Variants in NSD2 observed in about 807,000 individuals in gnomAD.
NSD2 encodes the protein nuclear receptor binding SET domain protein 2.
Under a neutral mutation model 139.0 loss-of-function variants are expected in NSD2, and 12 were observed. That is an observed-to-expected ratio of 0.09 (90% CI 0.06 to 0.14). The LOEUF (loss-of-function observed/expected upper bound fraction) is 0.14, where lower values mean the gene tolerates loss of function less well. NSD2 is among the 10% of genes least tolerant of loss of function. The probability of loss-of-function intolerance (pLI) is 1.00; values close to 1 mark genes in which losing one functional copy is unlikely to be tolerated. For synonymous variants in NSD2, 669 were observed against 648.7 expected, an observed-to-expected ratio of 1.03 and a Z score of -0.48; for missense variants, 1,155 against 1,745.0, an observed-to-expected ratio of 0.66 and a Z score of 6.02.
chr4:1,925,269 A>T (rs1460899964), intron 5 of NSD2, among the ~76,000 whole-genome samples: 1 of 152,104 alleles, frequency 6.6e-6, no homozygotes, highest in Non-Finnish European at 1.5e-5. Flanking sequence ...GGATAGAGTC[A>T]GGTGGAACTT....
chr4:1,959,762 C>A, intron 17 of NSD2, 22 bp downstream of exon 17: 1 of 1,603,320 alleles, frequency 6.2e-7, no homozygotes, highest in South Asian at 1.1e-5. Flanking sequence ...TATCCCCTCC[C>A]CTGCTTTTGA....
chr4:1,919,826 C>T (rs1464678054), intron 5 of NSD2, among the ~76,000 whole-genome samples: 1 of 152,076 alleles, frequency 6.6e-6, no homozygotes, highest in Non-Finnish European at 1.5e-5. Flanking sequence ...ATCCCAGCTT[C>T]TCAGGAGGCT....
chr4:1,906,138 C>T (rs1458850084), intron 3 of NSD2, among the ~76,000 whole-genome samples: 11 of 152,144 alleles, frequency 7.2e-5, no homozygotes, highest in Non-Finnish European at 1.6e-4. Flanking sequence ...GGGATATTTA[C>T]TTATTTATAT....
intron 3 of NSD2, among the ~76,000 whole-genome samples, chr4:1,904,843 A>C (rs1327256834): frequency 6.6e-6 from 1 of 152,136 alleles, no homozygotes; most frequent in Non-Finnish European, 1.5e-5. Flanking sequence ...CATATTAAGA[A>C]TGTACGGCCG....
chr4:1,922,939 T>C (rs915253572), intron 5 of NSD2, among the ~76,000 whole-genome samples: 1 of 151,386 alleles, frequency 6.6e-6, no homozygotes, highest in African/African-American at 2.4e-5. Flanking sequence ...AAAAATAAAA[T>C]AGCAGTATTC....
Position 1,978,952 on chromosome 4 carries a change from G to C in NSD2, c.*43G>C, listed in dbSNP as rs765979834. On this transcript the variant is annotated 3_prime_UTR_variant, in exon 22 of 22. Transcript: ENST00000508803. ...GCCGGATCCAGGGGCGGTGCAGGGC[G>C]GCCGGCCCTGCCTGCGGGAGAGGGC... The C allele has an allele frequency of 1.2e-4, 171 of 1,449,468 alleles. 1 individual carries two copies. In the Admixed American group the frequency reaches 1.3e-3, roughly 11 times the overall value. The allele number at this position is 1,449,468 out of a possible 1,614,324, so 89.8% of individuals were successfully genotyped here.
chr4:1,894,588 C>T (rs771003457), intron 1 of NSD2, among the ~76,000 whole-genome samples: 5 of 151,272 alleles, frequency 3.3e-5, no homozygotes, highest in Non-Finnish European at 7.4e-5. Context: ...GGGAGGATTG[C>T]TTGGGCCCAG....
At chr4:1,953,552 GT>G in intron 12 of NSD2, 28 bp downstream of exon 12, 1 of 1,577,852 alleles carries the variant, frequency 6.3e-7, no homozygotes, top group Non-Finnish European at 8.6e-7. Flanking sequence ...CAGCCTTGCT[GT>G]GGGTTCAGAT....
At chr4:1,883,232 CAA>C (rs1244353733) in intron 1 of NSD2, among the ~76,000 whole-genome samples, 1 of 152,134 alleles carries the variant, frequency 6.6e-6, no homozygotes, top group Non-Finnish European at 1.5e-5. Flanking sequence ...GGTTCAGAAA[CAA>C]GAGAAAGCCC....
intron 3 of NSD2, among the ~76,000 whole-genome samples, chr4:1,907,502 A>AT (rs934461173): frequency 1.3e-5 from 2 of 150,580 alleles, no homozygotes; most frequent in African/African-American, 4.9e-5. Context: ...TATTTGATCT[A>AT]TTTTTTTAAT....
chr4:1,944,301 A>G lies in NSD2; in HGVS notation c.1881+4523A>G, dbSNP rs1723399329. 2.8e-6 allele frequency: 3 copies of G among 1,066,110 alleles called. No homozygotes were observed. In the East Asian group the frequency reaches 1.5e-4, roughly 53 times the overall value. The allele number at this position is 1,066,110 out of a possible 1,614,324, so 66.0% of individuals were successfully genotyped here. On this transcript the variant is annotated intron_variant, in intron 9 of 21. Transcript: ENST00000508803. ...GTGGAAACGGCTCTTGTTTGAAAGA[A>G]CTTAGGGAGGACCATTGGCTTGCCA... is the stretch of plus-strand genomic sequence containing the variant.
intron 5 of NSD2, among the ~76,000 whole-genome samples, chr4:1,925,084 T>A (rs1720689841): frequency 6.6e-6 from 1 of 152,264 alleles, no homozygotes; most frequent in Admixed American, 6.5e-5. Flanking sequence ...AAGCAATGAC[T>A]ATTAGGATGC....
intron 12 of NSD2, among the ~76,000 whole-genome samples, chr4:1,953,758 C>G (rs924575532): frequency 6.6e-6 from 1 of 151,934 alleles, no homozygotes; most frequent in Non-Finnish European, 1.5e-5. Flanking sequence ...AGAGGGGCAA[C>G]CTTTGGACCA....
At chr4:1,915,400 C>G (rs978782442) in intron 3 of NSD2, among the ~76,000 whole-genome samples, 4 of 152,136 alleles carry the variant, frequency 2.6e-5, no homozygotes, top group African/African-American at 9.7e-5. Flanking sequence ...AGGCTTGAGC[C>G]ACTGCACCCG....
At position 1,955,062 on chromosome 4, in the gene NSD2, C is replaced by G. The variant is rs1406078374; in HGVS notation, c.2339-99C>G. ...TACCTCCATTTCATTTTAGCATTAACTTTTCAAATTCATGGAGGCTGAGTA... is the reference window on the plus strand; with the variant it reads ...TACCTCCATTTCATTTTAGCATTAAGTTTTCAAATTCATGGAGGCTGAGTA... On this transcript the variant is annotated intron_variant, in intron 12 of 21. Transcript: ENST00000508803. The surrounding 1 kb of genome is among the most constrained non-coding windows in gnomAD (Gnocchi z 4.7). The G allele has an allele frequency of 7.8e-7, 1 of 1,287,296 alleles. No individual in the cohort carries two copies. Among genetic ancestry groups the G allele is most frequent in the Non-Finnish European group, 1.1e-6 (1 of 943,774 alleles). The allele number at this position is 1,287,296 out of a possible 1,614,324, so 79.7% of individuals were successfully genotyped here. A position where few individuals can be genotyped will look rare whatever the true frequency, so the allele number is the denominator to read the frequency against.
chr4:1,902,274 G>T (rs1441976025), intron 2 of NSD2, among the ~76,000 whole-genome samples: 1 of 152,108 alleles, frequency 6.6e-6, no homozygotes, highest in Non-Finnish European at 1.5e-5. Flanking sequence ...GTCCAGGCTA[G>T]AGGGCAGTGG....
intron 1 of NSD2, among the ~76,000 whole-genome samples, chr4:1,881,361 T>C (rs10000617): frequency 0.063 from 9,563 of 152,102 alleles, 1,037 homozygotes; most frequent in African/African-American, 0.22. Flanking sequence ...CTCCTGGGTT[T>C]ACGCCATTCT....
rs1577369258 is a variant in NSD2 at position 1,891,712 on chromosome 4, C to T, written c.-29-8914C>T. 2.6e-5 allele frequency among the ~76,000 whole-genome samples: 4 copies of T among 152,012 alleles called. No homozygotes were observed. The South Asian group carries it at 8.3e-4, about 32-fold the overall frequency. On this transcript the variant is annotated intron_variant, in intron 1 of 21. Coordinates refer to ENST00000508803, the MANE Select transcript of NSD2 (RefSeq NM_001042424.3). ...TCAAAAATACAAAAATAAAAATTAG[C>T]CGGGCGTGGTGGTCGGCACCTGTAG...
intron 15 of NSD2, 65 bp from the exon 16 acceptor site, chr4:1,957,868 T>G (rs1181570353): frequency 7.0e-7 from 1 of 1,426,260 alleles, no homozygotes. Context: ...TATAAAAATA[T>G]GGAGCTTGAA....
Sources: gnomAD v4.1 joint callset for allele counts (sites outside exome capture counted in the v4.1 genomes callset) on GRCh38, gnomAD v4.1.1 for gene constraint, Gnocchi (gnomAD v3.1) non-coding constraint, MANE v1.5 for transcripts, NCBI Gene and HGNC (gene_info 2026-07-23, HGNC 2026-07-21) for gene names.